The following DMD variants were observed in gnomAD, a reference collection of about 807,000 sequenced individuals.
DMD encodes mutant dystrophin.
In DMD, 63 loss-of-function variants were observed where a neutral mutation model predicts 330.1. The observed-to-expected ratio is 0.19, with a 90% CI of 0.16 to 0.24. The LOEUF (loss-of-function observed/expected upper bound fraction) is 0.24, where lower values mean the gene tolerates loss of function less well. DMD is among the 10% of genes least tolerant of loss of function. The probability of loss-of-function intolerance (pLI) is 1.00; values close to 1 mark genes in which losing one functional copy is unlikely to be tolerated. For synonymous variants in DMD, 1,223 were observed against 959.8 expected (o/e 1.27, Z -5.07); for missense variants, 3,344 against 2,684.1 (o/e 1.25, Z -5.43).
At chrX:32,420,415 A>T (rs1408972590) in intron 29 of DMD, among the ~76,000 whole-genome samples, 2 of 111,896 alleles carry the variant, frequency 1.8e-5, no homozygotes, top group South Asian at 3.7e-4. Context: ...TCAAAATTAG[A>T]AAAAATGTAG....
intron 1 of DMD, among the ~76,000 whole-genome samples, chrX:33,064,886 C>T (rs1373663337): frequency 9.1e-6 from 1 of 110,464 alleles, no homozygotes; most frequent in Admixed American, 9.8e-5. Flanking sequence ...GAGACTTCAT[C>T]TCAGAAAAAA....
chrX:31,764,335 T>G (rs1477215964), intron 51 of DMD, among the ~76,000 whole-genome samples: 1 of 111,606 alleles, frequency 9.0e-6, no homozygotes, highest in African/African-American at 3.3e-5. Flanking sequence ...CTTGAGTAAG[T>G]GTGGTAAAGT....
intron 2 of DMD, among the ~76,000 whole-genome samples, chrX:32,954,812 A>G (rs1419108617): frequency 9.0e-6 from 1 of 111,250 alleles, no homozygotes; most frequent in Non-Finnish European, 1.9e-5. Flanking sequence ...CTGTTACTGT[A>G]TTAGTTTGCT....
chrX:32,003,116 G>T lies in DMD; in HGVS notation c.6439-34602C>A, dbSNP rs774986043. Among the ~76,000 whole-genome samples the T allele has an allele frequency of 8.1e-5, 9 of 111,729 alleles. No homozygotes were observed. The South Asian group carries it at 2.6e-3, about 32-fold the overall frequency. The stretch of plus-strand genomic sequence containing the variant: ...GCATAAACAAAAACTCTAACCCCAA[G>T]AGGTTCTTGATTTAGCTCTGCTACT... On this transcript the variant is annotated intron_variant, in intron 44 of 78. Coordinates refer to ENST00000357033, the MANE Select transcript of DMD (RefSeq NM_004006.3).
chrX:33,272,300 A>T (rs896301040), intron 1 of DMD, among the ~76,000 whole-genome samples: 1 of 112,104 alleles, frequency 8.9e-6, no homozygotes, highest in Non-Finnish European at 1.9e-5. Context: ...GGATTTGGGG[A>T]GAACTTGGAC....
intron 44 of DMD, among the ~76,000 whole-genome samples, chrX:32,090,334 G>A (rs184314992): frequency 5.4e-5 from 6 of 111,962 alleles, no homozygotes; most frequent in Non-Finnish European, 1.1e-4. Flanking sequence ...AGGAAAATGT[G>A]TGAAAGACAT....
chrX:31,816,906 T>A (rs774637552), intron 50 of DMD, among the ~76,000 whole-genome samples: 14 of 111,597 alleles, frequency 1.3e-4, no homozygotes, highest in Admixed American at 3.8e-4. Flanking sequence ...AGTTAAATTA[T>A]ATTAACTGCT....
chrX:32,888,920 A>AT (rs776059565), intron 2 of DMD, among the ~76,000 whole-genome samples: 2,148 of 106,806 alleles, frequency 0.02, 44 homozygotes, highest in East Asian at 0.065. Context: ...GAAAATTATA[A>AT]TTTTTTTTTT....
chrX:31,822,521 C>T (rs1348920603), intron 49 of DMD, among the ~76,000 whole-genome samples: 1 of 111,071 alleles, frequency 9.0e-6, no homozygotes, highest in Non-Finnish European at 1.9e-5. Flanking sequence ...CCATATGATA[C>T]GATTCGTGTT....
At chrX:32,519,048 G>A (rs1442994725) in intron 17 of DMD, among the ~76,000 whole-genome samples, 2 of 87,611 alleles carry the variant, frequency 2.3e-5, no homozygotes, top group Non-Finnish European at 4.3e-5. Context: ...GGAGCCACCA[G>A]GGATAAATTA....
intron 55 of DMD, among the ~76,000 whole-genome samples, chrX:31,600,045 C>T (rs2077272318): frequency 9.0e-6 from 1 of 111,337 alleles, no homozygotes; most frequent in African/African-American, 3.3e-5. Context: ...ATCCTTCTAC[C>T]TCAGGCTCCC....
chrX:32,739,984 C>A (rs2069022891), intron 7 of DMD, among the ~76,000 whole-genome samples: 1 of 110,168 alleles, frequency 9.1e-6, no homozygotes, highest in African/African-American at 3.3e-5. Context: ...ACCAAAGTTC[C>A]ATTCTTTTAT....
At chrX:32,514,601 T>C (rs942104355) in intron 18 of DMD, among the ~76,000 whole-genome samples, 165 of 110,813 alleles carry the variant, frequency 1.5e-3, no homozygotes, top group Middle Eastern at 0.014. Flanking sequence ...CTTAGCCGGG[T>C]GTGGTGGCGG....
intron 17 of DMD, among the ~76,000 whole-genome samples, chrX:32,520,844 CTTTTTTT>C (rs746203243): frequency 4.5e-5 from 4 of 87,956 alleles, no homozygotes; most frequent in Admixed American, 2.5e-4. Context: ...TCCTGCCATA[CTTTTTTT>C]TTTTTTTTTT....
At chrX:31,147,621 GAT>G in intron 74 of DMD, 103 bp from the exon 75 acceptor site, 1 of 600,894 alleles carries the variant, frequency 1.7e-6, no homozygotes, top group Non-Finnish European at 2.6e-6. Context: ...TACCATGGTA[GAT>G]AGATGCATCT....
chrX:32,501,947 G>A (rs1366046795), intron 18 of DMD, 105 bp from the exon 19 acceptor site: 3 of 604,363 alleles, frequency 5.0e-6, no homozygotes, highest in Non-Finnish European at 5.4e-6. Context: ...GTTTCACTCT[G>A]TCAGCTTATC....
intron 74 of DMD, among the ~76,000 whole-genome samples, chrX:31,147,773 T>G (rs905092224): frequency 1.2e-4 from 13 of 110,197 alleles, no homozygotes; most frequent in African/African-American, 3.6e-4. Context: ...TTCAATTTTT[T>G]ATGTTACACT....
rs1313447382 is a variant in DMD, at chrX:32,217,714, CACAA to C, written c.6291-655_6291-652del. On this transcript the variant is annotated intron_variant, in intron 43 of 78. Transcript: ENST00000357033. ...GCCAAGAAACCTGATTTGATCATTA[CACAA>C]TGAAACATTACACTGAAACGTCACA... Among the ~76,000 whole-genome samples the C allele has an allele frequency of 4.1e-3, 451 of 110,675 alleles. 4 individuals carry two copies. Among genetic ancestry groups the C allele is most frequent in the African/African-American group, 0.015 (438 of 30,193 alleles).
chrX:31,681,908 A>G (rs2082401989), intron 52 of DMD, among the ~76,000 whole-genome samples: 1 of 111,652 alleles, frequency 9.0e-6, no homozygotes, highest in Non-Finnish European at 1.9e-5. Flanking sequence ...AGCCTGACCG[A>G]CATGCTGAAA....
Sources: allele counts gnomAD v4.1 joint callset (sites outside exome capture counted in the v4.1 genomes callset), GRCh38; gene constraint gnomAD v4.1.1; transcripts MANE v1.5; gene names NCBI Gene and HGNC (gene_info 2026-07-23, HGNC 2026-07-21).